DLC1: variants seen among roughly 807,000 people sequenced by gnomAD.
DLC1 encodes the protein rho GTPase-activating protein 7.
DLC1 carries 54 observed loss-of-function variants against 140.3 expected under a neutral mutation model. The ratio of observed to expected loss-of-function variants is 0.38; its 90% confidence interval spans 0.31 to 0.48. DLC1 has a LOEUF of 0.48. Among genes scored for constraint, DLC1 ranks in the 20% least tolerant of loss-of-function variants. DLC1 has a pLI of 0.96. For synonymous variants in DLC1, 986 were observed against 728.1 expected (o/e 1.35, Z -5.70); for missense variants, 2,536 against 1,907.0 (o/e 1.33, Z -6.14).
intron 5 of DLC1, among the ~76,000 whole-genome samples, chr8:13,256,764 C>T (rs1299271999): frequency 6.6e-6 from 1 of 151,736 alleles, no homozygotes; most frequent in East Asian, 1.9e-4. Context: ...AGACAAATAC[C>T]TAAGGCATGC....
intron 4 of DLC1, among the ~76,000 whole-genome samples, chr8:13,321,649 G>A (rs1002599906): frequency 6.6e-6 from 1 of 150,412 alleles, no homozygotes. Flanking sequence ...CCAGTTAGCA[G>A]CATTCTTTTC....
intron 1 of DLC1, among the ~76,000 whole-genome samples, chr8:13,508,663 C>G (rs1802222345): frequency 6.6e-6 from 1 of 152,086 alleles, no homozygotes. Context: ...CGTGATCTGC[C>G]CACCTCGGCC....
intron 5 of DLC1, among the ~76,000 whole-genome samples, chr8:13,137,349 T>C (rs1258959940): frequency 1.3e-5 from 2 of 152,162 alleles, no homozygotes; most frequent in African/African-American, 4.8e-5. Flanking sequence ...GAGATTTTGG[T>C]TTGAGATGCT....
At position 13,111,967 on chromosome 8, in the gene DLC1, G is replaced by A. The variant is rs143863768; in HGVS notation, c.1421-1144C>T. Reference sequence around the variant, plus strand: ...TTGAGACCAGCCTGAGCAGCATGGCGAGACCTTGTCTCTACAAAAAAAATC... The same window carrying A: ...TTGAGACCAGCCTGAGCAGCATGGCAAGACCTTGTCTCTACAAAAAAAATC... On this transcript the variant is annotated intron_variant, in intron 6 of 17. Transcript: ENST00000276297. Among the ~76,000 whole-genome samples, 159 of 152,094 alleles carry A rather than the reference G, an allele frequency of 1.0e-3. 1 individual carries two copies. The highest frequency in any genetic ancestry group is 9.4e-4 in the Non-Finnish European group (64 of 67,988).
intron 10 of DLC1, among the ~76,000 whole-genome samples, chr8:13,097,311 G>C (rs1239273135): frequency 4.0e-5 from 6 of 151,606 alleles, no homozygotes; most frequent in Non-Finnish European, 7.4e-5. Flanking sequence ...ACCCAGGCTG[G>C]AGTGCAGTAG....
chr8:13,431,261 A>T (rs911727215), intron 2 of DLC1, among the ~76,000 whole-genome samples: 2 of 152,044 alleles, frequency 1.3e-5, no homozygotes, highest in Non-Finnish European at 2.9e-5. Flanking sequence ...AGGCGGGCGG[A>T]TCACGAGGTC....
intron 7 of DLC1, among the ~76,000 whole-genome samples, chr8:13,105,403 A>T (rs1325544079): frequency 3.3e-5 from 5 of 152,140 alleles, no homozygotes; most frequent in Admixed American, 6.5e-5. Flanking sequence ...CGGGCCAGGC[A>T]CTATGCTAGG....
rs980551294 is a variant in DLC1 at position 13,442,719 on chromosome 8, G to T, written c.1024-41100C>A. Among the ~76,000 whole-genome samples the T allele has an allele frequency of 4.6e-5, 7 of 152,218 alleles. No homozygotes were observed. In the South Asian group the frequency reaches 1.4e-3, roughly 31 times the overall value. On this transcript the variant is annotated intron_variant, in intron 2 of 17. Transcript: ENST00000276297. ...GTCAGGAAACAACAGTGCTGGAGAG[G>T]ATGTGGAGATATAGGAACACTTTTA...
chr8:13,339,389 A>G (rs2116976322), intron 4 of DLC1: 1 of 152,378 alleles, frequency 6.6e-6, no homozygotes, highest in Middle Eastern at 3.4e-3. Context: ...CAAGTGCTCA[A>G]TAAATACAGC....
chr8:13,453,169 T>G (rs1451405161), intron 2 of DLC1, among the ~76,000 whole-genome samples: 2 of 149,908 alleles, frequency 1.3e-5, no homozygotes, highest in Non-Finnish European at 3.0e-5. Context: ...AAATATATAA[T>G]TATTCTAAAA....
At chr8:13,116,140 C>G in intron 5 of DLC1, 1 of 986,772 alleles carries the variant, frequency 1.0e-6, no homozygotes, top group Non-Finnish European at 1.2e-6. Flanking sequence ...TTCAAAAGCC[C>G]CTGACCTTGT....
intron 4 of DLC1, among the ~76,000 whole-genome samples, chr8:13,375,572 T>A (rs1245180334): frequency 6.6e-6 from 1 of 152,188 alleles, no homozygotes; most frequent in East Asian, 1.9e-4. Context: ...AGAGAGGTCA[T>A]CCCTGTCTTG....
At chr8:13,553,702 T>C (rs1366718379) in intron 1 of DLC1, among the ~76,000 whole-genome samples, 1 of 152,036 alleles carries the variant, frequency 6.6e-6, no homozygotes, top group Non-Finnish European at 1.5e-5. Flanking sequence ...AAGAGTTCTC[T>C]ACATTTATTG....
At chr8:13,372,639 A>C (rs1023498790) in intron 4 of DLC1, among the ~76,000 whole-genome samples, 2 of 152,186 alleles carry the variant, frequency 1.3e-5, no homozygotes, top group African/African-American at 4.8e-5. Flanking sequence ...ATTCTAACTA[A>C]GCGCTAAACT....
At chr8:13,284,677 G>C (rs1831480727) in intron 5 of DLC1, among the ~76,000 whole-genome samples, 1 of 151,944 alleles carries the variant, frequency 6.6e-6, no homozygotes, top group African/African-American at 2.4e-5. Context: ...CAAGTAAAAA[G>C]TGAGTTTAGC....
chr8:13,243,610 T>G (rs1364394374), intron 5 of DLC1, among the ~76,000 whole-genome samples: 1 of 152,148 alleles, frequency 6.6e-6, no homozygotes, highest in Admixed American at 6.5e-5. Flanking sequence ...ACAGAGCATA[T>G]TTTCTTCTTT....
intron 1 of DLC1, among the ~76,000 whole-genome samples, chr8:13,579,048 A>C (rs908531354): frequency 7.3e-5 from 11 of 151,462 alleles, no homozygotes; most frequent in African/African-American, 2.7e-4. Context: ...CACTAGAACA[A>C]AAGAGACTCC....
At chr8:13,270,361 T>A (rs1586044539) in intron 5 of DLC1, among the ~76,000 whole-genome samples, 1 of 152,282 alleles carries the variant, frequency 6.6e-6, no homozygotes, top group East Asian at 1.9e-4. Context: ...AAGGGAGGTG[T>A]GCGAAACATC....
At chr8:13,591,023 T>C (rs919166951) in intron 1 of DLC1, among the ~76,000 whole-genome samples, 16 of 152,132 alleles carry the variant, frequency 1.1e-4, no homozygotes, top group Admixed American at 3.3e-4. Context: ...TCAATTGACA[T>C]TGAACATAAG....
Sources: allele counts gnomAD v4.1 joint callset (sites outside exome capture counted in the v4.1 genomes callset), GRCh38; gene constraint gnomAD v4.1.1; transcripts MANE v1.5; gene names NCBI Gene and HGNC (gene_info 2026-07-23, HGNC 2026-07-21).